RPL12: variants seen among roughly 807,000 people sequenced by gnomAD.
RPL12 encodes the protein ribosomal protein L12.
In RPL12, 10 loss-of-function variants were observed where a neutral mutation model predicts 24.5. That is an observed-to-expected ratio of 0.41 (90% CI 0.25 to 0.69). The LOEUF is 0.69. Among genes scored for constraint, RPL12 ranks in the 30% least tolerant of loss-of-function variants. The pLI, the probability that RPL12 is intolerant of heterozygous loss-of-function variation, is 0.33. For synonymous variants in RPL12, 74 were observed against 76.1 expected, an observed-to-expected ratio of 0.97 and a Z score of 0.14; for missense variants, 137 against 205.3, an observed-to-expected ratio of 0.67 and a Z score of 2.03.
chr9:127,450,491 C>G lies in RPL12; in HGVS notation c.111+240G>C. The G allele has an allele frequency of 1.3e-5, 6 of 477,616 alleles. No individual in the cohort carries two copies. The South Asian group carries it at 2.0e-4, about 16-fold the overall frequency. The allele number at this position is 477,616 out of a possible 1,614,324, so 29.6% of individuals were successfully genotyped here. On this transcript the variant is annotated intron_variant, in intron 2 of 6. Coordinates refer to ENST00000361436, the MANE Select transcript of RPL12 (RefSeq NM_000976.4). ...ACTTCAAAACTCCCCCTTGGGCCCACCCCTCAGGTACACTAAAGCAGCAGT... is the reference window on the plus strand; with the variant it reads ...ACTTCAAAACTCCCCCTTGGGCCCAGCCCTCAGGTACACTAAAGCAGCAGT...
chr9:127,450,856 C>T, intron 1 of RPL12, 52 bp from the exon 2 acceptor site: 1 of 1,354,904 alleles, frequency 7.4e-7, no homozygotes, highest in Non-Finnish European at 1.0e-6. Context: ...CGAGCCACAG[C>T]CCTCTCAGCG....
chr9:127,450,477 C>A (rs551863360), intron 2 of RPL12: 17 of 453,140 alleles, frequency 3.8e-5, no homozygotes, highest in Non-Finnish European at 5.9e-5. Flanking sequence ...CTTCAAAACT[C>A]CCCCTTGGGC....
Position 127,451,282 on chromosome 9 carries a change from G to C in RPL12, c.36C>G (p.Val12=), listed in dbSNP as rs1345540167. 2 of 1,613,218 alleles carry C rather than the reference G, an allele frequency of 1.2e-6. No homozygotes were observed. The highest frequency in any genetic ancestry group is 4.5e-5 in the East Asian group (2 of 44,882). ...PPKFDPNEIK[V]VYLRCTGGEV... ...CCCGGCCACAACCAGAGCACGCACC[G>C]ACTTTGATCTCGTTGGGGTCGAACT... Residue 12 remains valine (V), a splice_region_variant and synonymous_variant, in exon 1 of 7, where the codon GTC becomes GTG. Coordinates refer to ENST00000361436, the MANE Select transcript of RPL12 (RefSeq NM_000976.4).
chr9:127,449,437 G>A (rs977843431), intron 3 of RPL12, 75 bp from the exon 4 acceptor site: 3 of 1,425,686 alleles, frequency 2.1e-6, no homozygotes, highest in East Asian at 4.6e-5. Context: ...CAAAAATCAT[G>A]GCCACACACT....
Position 127,449,500 on chromosome 9 carries a change from T to TTG in RPL12, c.210+109_210+110insCA, listed in dbSNP as rs540122142. 50 of 1,298,526 alleles carry TTG rather than the reference T, an allele frequency of 3.9e-5. No individual in the cohort carries two copies. The East Asian group carries it at 1.2e-3, about 31-fold the overall frequency. 80.4% of individuals were successfully genotyped at this position (1,298,526 alleles called of 1,614,324 possible). Reference sequence around the variant, plus strand: ...TCTTGACAAAGCCTCCCCAACAAGGTGAAATCACTCTCGGCTCACCACTGG... The same window carrying TTG: ...TCTTGACAAAGCCTCCCCAACAAGGTTGGAAATCACTCTCGGCTCACCACTGG... On this transcript the variant is annotated intron_variant, in intron 3 of 6. Coordinates refer to ENST00000361436, the MANE Select transcript of RPL12 (RefSeq NM_000976.4).
At chr9:127,448,169 T>TC (rs1834205428) in intron 5 of RPL12, among the ~76,000 whole-genome samples, 168 bp downstream of exon 5, 1 of 152,130 alleles carries the variant, frequency 6.6e-6, no homozygotes, top group Non-Finnish European at 1.5e-5. Context: ...CTTCCATGGG[T>TC]CCTTGATGCC....
At chr9:127,450,865 C>A in intron 1 of RPL12, 61 bp from the exon 2 acceptor site, 1 of 1,312,354 alleles carries the variant, frequency 7.6e-7, no homozygotes, top group Non-Finnish European at 1.1e-6. Context: ...GCCCTCTCAG[C>A]GTCTTTCCGG....
At chr9:127,448,602 A>G (rs1834214257) in intron 4 of RPL12, 179 bp from the exon 5 acceptor site, 1 of 759,196 alleles carries the variant, frequency 1.3e-6, no homozygotes, top group Non-Finnish European at 2.4e-6. Context: ...GCACCAGCCA[A>G]CAGAGACCTG....
At chr9:127,450,596 T>A in intron 2 of RPL12, 135 bp downstream of exon 2, 1 of 622,380 alleles carries the variant, frequency 1.6e-6, no homozygotes, top group South Asian at 2.2e-5. Context: ...TACCTAGTAC[T>A]TGTTCAGTGG....
intron 1 of RPL12, 100 bp downstream of exon 1, chr9:127,451,181 G>A: frequency 1.3e-6 from 2 of 1,487,890 alleles, no homozygotes; most frequent in South Asian, 1.2e-5. Context: ...GTCTCTGGGA[G>A]GCAGCGGCTT....
At chr9:127,448,027 T>A in intron 5 of RPL12, 38 bp from the exon 6 acceptor site, 1 of 1,573,666 alleles carries the variant, frequency 6.4e-7, no homozygotes, top group Non-Finnish European at 8.6e-7. Flanking sequence ...AGGTGCTGGC[T>A]CAGTCCCTCA....
chr9:127,448,113 TATAGA>T, intron 5 of RPL12, 124 bp from the exon 6 acceptor site: 1 of 1,212,166 alleles, frequency 8.2e-7, no homozygotes, highest in Non-Finnish European at 1.1e-6. Context: ...GCTCCCCTAA[TATAGA>T]ATATAGAGTT....
At position 127,449,668 on chromosome 9, in the gene RPL12, C is replaced by T. The variant is rs1834237032; in HGVS notation, c.152G>A (p.Gly51Asp). The change falls in exon 3 of 7, where the codon GGT (glycine) becomes GAT (aspartate). Residue 51 changes from glycine to aspartate, a missense_variant. Gly to Asp is a moderately conservative substitution (Grantham distance 94). Around this residue, in one of 3 missense-constraint regions of RPL12, gnomAD observed 118 missense variants for 160.7 expected, o/e 0.73. Transcript: ENST00000361436. ...TGTAATCCTCAGGCCCTTCCAGTCA[C>T]CCGTTGCCTTGGCAATGTCATCACC... ...KVGDDIAKAT[G>D]DWKGLRITVK... The T allele has an allele frequency of 6.2e-7, 1 of 1,614,148 alleles. No homozygotes were observed.
intron 2 of RPL12, chr9:127,449,922 A>ACC: frequency 1.8e-6 from 1 of 544,384 alleles, no homozygotes; most frequent in Non-Finnish European, 3.3e-6. Context: ...TGTAACCTAG[A>ACC]CCCCCTCCTA....
At chr9:127,450,898 C>T in intron 1 of RPL12, 94 bp from the exon 2 acceptor site, 1 of 988,614 alleles carries the variant, frequency 1.0e-6, no homozygotes, top group Non-Finnish European at 1.5e-6. Flanking sequence ...CACCCTCTGC[C>T]TCTTCTCGAA....
intron 1 of RPL12, 122 bp downstream of exon 1, chr9:127,451,159 A>C (rs1189614832): frequency 1.5e-6 from 2 of 1,347,030 alleles, no homozygotes; most frequent in Non-Finnish European, 2.0e-6. Context: ...GGGGCGGCGC[A>C]ACACCGGGAA....
intron 1 of RPL12, 120 bp downstream of exon 1, chr9:127,451,161 C>T: frequency 7.3e-7 from 1 of 1,369,328 alleles, no homozygotes; most frequent in Non-Finnish European, 1.0e-6. Context: ...GGCGGCGCAA[C>T]ACCGGGAAGG....
At chr9:127,447,796 C>T in intron 6 of RPL12, 70 bp from the exon 7 acceptor site, 2 of 1,612,090 alleles carry the variant, frequency 1.2e-6, no homozygotes, top group Non-Finnish European at 1.7e-6. Flanking sequence ...TAACCATTTC[C>T]AAAACTTCCC....
intron 4 of RPL12, 89 bp downstream of exon 4, chr9:127,449,192 C>A: frequency 9.2e-7 from 1 of 1,089,910 alleles, no homozygotes; most frequent in East Asian, 2.5e-5. Flanking sequence ...CATGTCAACC[C>A]CAGGTTTCCT....
Sources: allele counts gnomAD v4.1 joint callset (sites outside exome capture counted in the v4.1 genomes callset), GRCh38; gene constraint gnomAD v4.1.1; regional missense constraint gnomAD v4.1.1; transcripts MANE v1.5; gene names NCBI Gene and HGNC (gene_info 2026-07-23, HGNC 2026-07-21).